SHCBP1L: variants seen among roughly 807,000 people sequenced by gnomAD.
The protein encoded by SHCBP1L is testicular spindle-associated protein SHCBP1L.
SHCBP1L carries 67 observed loss-of-function variants against 62.5 expected under a neutral mutation model. That is an observed-to-expected ratio of 1.07 (90% CI 0.88 to 1.31). The LOEUF (loss-of-function observed/expected upper bound fraction) is 1.31, where lower values mean the gene tolerates loss of function less well. SHCBP1L is among the 40% of genes most tolerant of loss of function. The pLI, the probability that SHCBP1L is intolerant of heterozygous loss-of-function variation, is 0.00. For missense variants in SHCBP1L, 823 were observed against 809.8 expected (o/e 1.02, Z -0.20); for synonymous variants, 284 against 289.4 (o/e 0.98, Z 0.19).
chr1:182,913,797 A>G (rs1280722432), intron 6 of SHCBP1L, among the ~76,000 whole-genome samples: 1 of 152,234 alleles, frequency 6.6e-6, no homozygotes, highest in Non-Finnish European at 1.5e-5. Context: ...CTTGGCCAAC[A>G]TGGCGAAACC....
At position 182,904,305 on chromosome 1, in the gene SHCBP1L, T is replaced by C. The variant is rs778662886; in HGVS notation, c.1462A>G (p.Ile488Val). The C allele has an allele frequency of 1.2e-6, 2 of 1,614,174 alleles. No individual in the cohort carries two copies. Among genetic ancestry groups the C allele is most frequent in the East Asian group, 2.2e-5 (1 of 44,878 alleles). The change falls in exon 8 of 10, where the codon ATC (isoleucine) becomes GTC (valine). Residue 488 changes from isoleucine to valine, a missense_variant. Coordinates refer to ENST00000367547, the MANE Select transcript of SHCBP1L (RefSeq NM_030933.4). ...ATGTGACCAGACTCCACCACCACGA[T>C]ACCATCAACCGTCCCTTGTTGTATC... ...SLIQQGTVDG[I>V]VVVESGHMTL...
In SHCBP1L at chr1:182,940,512, G is replaced by A. The variant is rs781765952; in HGVS notation, c.587C>T (p.Ser196Phe). The change falls in exon 3 of 10, where the codon TCT (serine) becomes TTT (phenylalanine). Residue 196 changes from serine (S) to phenylalanine (F), a missense_variant. Coordinates refer to ENST00000367547, the MANE Select transcript of SHCBP1L (RefSeq NM_030933.4). Reference protein sequence around the residue: ...VTCEPYQDSSSRFKVTVSVAE... With the variant: ...VTCEPYQDSSFRFKVTVSVAE... ...AACAGAAACAGTAACTTTGAAACGAGATGATGAGTCTTGGTATGGTTCACA... is the reference window on the plus strand; with the variant it reads ...AACAGAAACAGTAACTTTGAAACGAAATGATGAGTCTTGGTATGGTTCACA... 56 of 1,613,778 alleles carry A rather than the reference G, an allele frequency of 3.5e-5. No individual in the cohort carries two copies. In the South Asian group the frequency reaches 6.0e-4, roughly 17 times the overall value.
chr1:182,940,175 T>C (rs1440673110), intron 3 of SHCBP1L, among the ~76,000 whole-genome samples, 154 bp downstream of exon 3: 1 of 152,164 alleles, frequency 6.6e-6, no homozygotes, highest in Non-Finnish European at 1.5e-5. Flanking sequence ...AAGTTACAAA[T>C]ACAATATGTT....
chr1:182,907,166 C>T (rs138421839), intron 6 of SHCBP1L, among the ~76,000 whole-genome samples: 6,083 of 151,888 alleles, frequency 0.04, 299 homozygotes, highest in African/African-American at 0.11. Context: ...GGCACAGTGA[C>T]TCACACCTGT....
chr1:182,924,773 A>AAAGAAAGAAAGG (rs1491157798), intron 6 of SHCBP1L, among the ~76,000 whole-genome samples: 1 of 112,086 alleles, frequency 8.9e-6, no homozygotes. Context: ...AGAAAGAAAG[A>AAAGAAAGAAAGG]AAGAAAGAAA....
chr1:182,907,663 C>T (rs1650059157), intron 6 of SHCBP1L, among the ~76,000 whole-genome samples: 1 of 151,784 alleles, frequency 6.6e-6, no homozygotes. Flanking sequence ...TGGCTCACTG[C>T]AACCTCCCGG....
rs1264629281 is a variant in SHCBP1L, at chr1:182,917,353, G to A, written c.1183-11704C>T. Among the ~76,000 whole-genome samples, 5 of 152,206 alleles carry A rather than the reference G, an allele frequency of 3.3e-5. No homozygotes were observed. In the South Asian group the frequency reaches 6.2e-4, roughly 19 times the overall value. On this transcript the variant is annotated intron_variant, in intron 6 of 9. Transcript: ENST00000367547. The stretch of plus-strand genomic sequence containing the variant: ...AACACACCACATTAATAGAATGAAG[G>A]GGAAAAATAAATTACACAATAATCT...
intron 2 of SHCBP1L, among the ~76,000 whole-genome samples, chr1:182,942,859 A>T (rs560578279): frequency 1.3e-5 from 2 of 152,214 alleles, no homozygotes; most frequent in African/African-American, 4.8e-5. Flanking sequence ...ATAAAACAAT[A>T]ATCACTTAAA....
Position 182,904,163 on chromosome 1 carries a change from T to G in SHCBP1L, c.1587+17A>C, listed in dbSNP as rs1364009528. On this transcript the variant is annotated intron_variant, in intron 8 of 9. Transcript: ENST00000367547. ...TCTATAGTCATATAAGGCCATACTT[T>G]TTAAAGAATGAAATACCTGGGCGCC... 2 of 1,612,510 alleles carry G rather than the reference T, an allele frequency of 1.2e-6. No homozygotes were observed. The highest frequency in any genetic ancestry group is 1.7e-6 in the Non-Finnish European group (2 of 1,179,364).
intron 6 of SHCBP1L, 109 bp from the exon 7 acceptor site, chr1:182,905,758 AT>A (rs1407581358): frequency 3.1e-6 from 3 of 962,696 alleles, no homozygotes; most frequent in Non-Finnish European, 4.6e-6. Flanking sequence ...CTTATCATTT[AT>A]TAAAGACTAG....
chr1:182,931,429 C>T (rs1650992723), intron 5 of SHCBP1L, among the ~76,000 whole-genome samples: 1 of 152,092 alleles, frequency 6.6e-6, no homozygotes, highest in Admixed American at 6.6e-5. Flanking sequence ...TTTAAGTGAA[C>T]TATTCCATGA....
chr1:182,909,707 C>T (rs112146154), intron 6 of SHCBP1L, among the ~76,000 whole-genome samples: 7 of 152,222 alleles, frequency 4.6e-5, no homozygotes, highest in African/African-American at 9.6e-5. Context: ...TGAGTACACA[C>T]GGATTTGGAT....
rs762091684 is a variant in SHCBP1L, at chr1:182,953,017, G to A, written c.117C>T (p.Thr39=). Residue 39 remains threonine (T), a synonymous_variant, in exon 1 of 10, where the codon ACC becomes ACT. Coordinates refer to ENST00000367547, the MANE Select transcript of SHCBP1L (RefSeq NM_030933.4). The part of the protein sequence containing the change: ...AVSGDTAAAT[T]LKGTAIPVRS... ...GCACTGGGATCGCGGTGCCCTTCAG[G>A]GTGGTCGCGGCCGCCGTGTCCCCGG... 6 of 1,542,518 alleles carry A rather than the reference G, an allele frequency of 3.9e-6. No homozygotes were observed. Among genetic ancestry groups the A allele is most frequent in the Middle Eastern group, 1.9e-4 (1 of 5,288 alleles).
chr1:182,926,987 TA>T (rs1260168295), intron 6 of SHCBP1L, among the ~76,000 whole-genome samples: 2 of 146,684 alleles, frequency 1.4e-5, no homozygotes, highest in Non-Finnish European at 3.0e-5. Flanking sequence ...ATCACCTAAC[TA>T]GTAAGTGGCA....
intron 6 of SHCBP1L, among the ~76,000 whole-genome samples, chr1:182,914,650 C>A (rs1242732296): frequency 6.6e-6 from 1 of 150,886 alleles, no homozygotes; most frequent in African/African-American, 2.4e-5. Context: ...TGGAGTAAAT[C>A]AAAATGGTAC....
Position 182,934,267 on chromosome 1 carries a change from C to G in SHCBP1L, c.1077-4515G>C, listed in dbSNP as rs189921039. Among the ~76,000 whole-genome samples the G allele has an allele frequency of 1.3e-3, 196 of 152,202 alleles. 1 individual carries two copies. The highest frequency in any genetic ancestry group is 4.6e-3 in the African/African-American group (190 of 41,560). ...TTTCACTTTGTAAGAAACTGCCGAACAGTGCTCTAAAGAGGCAGTACCATT... is the reference window on the plus strand; with the variant it reads ...TTTCACTTTGTAAGAAACTGCCGAAGAGTGCTCTAAAGAGGCAGTACCATT... On this transcript the variant is annotated intron_variant, in intron 5 of 9. Coordinates refer to ENST00000367547, the MANE Select transcript of SHCBP1L (RefSeq NM_030933.4).
chr1:182,900,901 A>T (rs997921036), intron 9 of SHCBP1L, among the ~76,000 whole-genome samples: 7 of 152,190 alleles, frequency 4.6e-5, no homozygotes, highest in Non-Finnish European at 8.8e-5. Context: ...AGTGTAAGAA[A>T]ATATTTAATG....
intron 2 of SHCBP1L, among the ~76,000 whole-genome samples, chr1:182,948,639 G>C (rs936259502): frequency 1.3e-5 from 2 of 152,190 alleles, no homozygotes; most frequent in Non-Finnish European, 2.9e-5. Flanking sequence ...CTGACCTACA[G>C]AGTTGTAAGA....
At chr1:182,905,375 G>T (rs1649978509) in intron 7 of SHCBP1L, 121 bp downstream of exon 7, 1 of 1,033,944 alleles carries the variant, frequency 9.7e-7, no homozygotes, top group African/African-American at 1.7e-5. Context: ...TGAACATAAA[G>T]GATTTTTGTA....
Sources: allele counts gnomAD v4.1 joint callset (sites outside exome capture counted in the v4.1 genomes callset), GRCh38; gene constraint gnomAD v4.1.1; transcripts MANE v1.5; gene names NCBI Gene and HGNC (gene_info 2026-07-23, HGNC 2026-07-21).